PRORP: variants seen among roughly 807,000 people sequenced by gnomAD.
PRORP encodes the protein mitochondrial ribonuclease P catalytic subunit.
PRORP carries 51 observed loss-of-function variants against 59.4 expected under a neutral mutation model. That is an observed-to-expected ratio of 0.86 (90% CI 0.69 to 1.08). The LOEUF is 1.08. Ranked by LOEUF, PRORP falls within the 50% of genes least tolerant of loss-of-function variation. PRORP has a pLI of 0.00. For synonymous variants in PRORP, 231 were observed against 245.6 expected, an observed-to-expected ratio of 0.94 and a Z score of 0.55; for missense variants, 646 against 690.3, an observed-to-expected ratio of 0.94 and a Z score of 0.72.
chr14:35,127,282 A>G (rs1226139048), intron 3 of PRORP, among the ~76,000 whole-genome samples, 197 bp from the exon 4 acceptor site: 1 of 151,872 alleles, frequency 6.6e-6, no homozygotes, highest in Non-Finnish European at 1.5e-5. Context: ...CGGCCAATCT[A>G]CTTTTTTGGG....
intron 5 of PRORP, among the ~76,000 whole-genome samples, chr14:35,250,902 G>A (rs556762353): frequency 6.6e-6 from 1 of 151,862 alleles, no homozygotes; most frequent in African/African-American, 2.4e-5. Flanking sequence ...AGGTTATTGG[G>A]GAAAAGGTGG....
chr14:35,242,672 C>T lies in PRORP; in HGVS notation c.1276-24055C>T, dbSNP rs1490797651. ...CATTTTCATCTATCTAGCTAGCTAG[C>T]TATATCTCACGTATTTCCAAGTGCA... On this transcript the variant is annotated intron_variant, in intron 5 of 7. Coordinates refer to ENST00000534898, the MANE Select transcript of PRORP (RefSeq NM_014672.4). Among the ~76,000 whole-genome samples the T allele has an allele frequency of 1.6e-4, 25 of 152,274 alleles. No individual in the cohort carries two copies. The East Asian group carries it at 4.2e-3, about 26-fold the overall frequency.
At chr14:35,265,347 A>AT (rs991024866) in intron 5 of PRORP, among the ~76,000 whole-genome samples, 1 of 152,204 alleles carries the variant, frequency 6.6e-6, no homozygotes, top group African/African-American at 2.4e-5. Context: ...ACAAGTTATA[A>AT]TTTTTTCAGC....
chr14:35,251,775 C>T (rs1368407585), intron 5 of PRORP, among the ~76,000 whole-genome samples: 1 of 152,022 alleles, frequency 6.6e-6, no homozygotes, highest in Non-Finnish European at 1.5e-5. Context: ...AGGCTGGTCT[C>T]GAACTCCTGA....
intron 4 of PRORP, among the ~76,000 whole-genome samples, chr14:35,179,476 A>G (rs1319186798): frequency 6.6e-6 from 1 of 151,770 alleles, no homozygotes; most frequent in Non-Finnish European, 1.5e-5. Flanking sequence ...ATCTTGCTTC[A>G]TTTCATTCAT....
chr14:35,150,400 C>G (rs77657244), intron 4 of PRORP, among the ~76,000 whole-genome samples: 1 of 152,294 alleles, frequency 6.6e-6, no homozygotes, highest in East Asian at 1.9e-4. Context: ...TACTGTCTTA[C>G]AGCAGCACGG....
chr14:35,220,032 A>C (rs1371088967), intron 5 of PRORP, among the ~76,000 whole-genome samples: 1 of 152,234 alleles, frequency 6.6e-6, no homozygotes, highest in African/African-American at 2.4e-5. Context: ...TTTAATACCC[A>C]CATGGGTAGT....
At chr14:35,126,476 C>T (rs915780467) in intron 2 of PRORP, among the ~76,000 whole-genome samples, 3 of 152,132 alleles carry the variant, frequency 2.0e-5, no homozygotes, top group Admixed American at 6.6e-5. Flanking sequence ...CTACTAAGGT[C>T]AGCCGCTTTT....
chr14:35,262,386 ACTT>A, intron 5 of PRORP: 10 of 330,928 alleles, frequency 3.0e-5, no homozygotes, highest in Non-Finnish European at 4.7e-5. Context: ...TACTAGCCCA[ACTT>A]TTAAAATAGC....
intron 4 of PRORP, among the ~76,000 whole-genome samples, chr14:35,128,979 C>T (rs2047165056): frequency 6.6e-6 from 1 of 151,408 alleles, no homozygotes; most frequent in African/African-American, 2.4e-5. Context: ...GGTGGATCAC[C>T]TGAGGTCAGG....
intron 5 of PRORP, among the ~76,000 whole-genome samples, chr14:35,186,149 ATTT>A (rs34848889): frequency 1.5e-5 from 2 of 131,432 alleles, no homozygotes; most frequent in Admixed American, 8.0e-5. Flanking sequence ...AGTCCAGCTA[ATTT>A]TTTTTTTTTT....
At chr14:35,156,160 G>A (rs992250157) in intron 4 of PRORP, among the ~76,000 whole-genome samples, 2 of 152,218 alleles carry the variant, frequency 1.3e-5, no homozygotes, top group African/African-American at 4.8e-5. Flanking sequence ...GGTGTGGTTA[G>A]GCATTTCACA....
At chr14:35,245,017 G>A (rs1221887393) in intron 5 of PRORP, among the ~76,000 whole-genome samples, 1 of 152,200 alleles carries the variant, frequency 6.6e-6, no homozygotes, top group Admixed American at 6.5e-5. Context: ...TATTCTTTGG[G>A]AGCCCCTTCT....
At chr14:35,162,614 A>T (rs552570306) in intron 4 of PRORP, among the ~76,000 whole-genome samples, 7 of 151,644 alleles carry the variant, frequency 4.6e-5, no homozygotes, top group Admixed American at 4.6e-4. Flanking sequence ...TTTGAGGCTT[A>T]TTTTTTTTCT....
intron 5 of PRORP, among the ~76,000 whole-genome samples, chr14:35,181,928 A>G (rs1187004418): frequency 6.6e-6 from 1 of 152,148 alleles, no homozygotes; most frequent in Admixed American, 6.6e-5. Flanking sequence ...AAACAAAACA[A>G]AACTGAACTA....
chr14:35,135,822 G>T (rs1414550430), intron 4 of PRORP, among the ~76,000 whole-genome samples: 2 of 152,036 alleles, frequency 1.3e-5, no homozygotes, highest in African/African-American at 4.8e-5. Flanking sequence ...GCTGGTCGTG[G>T]TGGCGTGCAC....
Position 35,123,885 on chromosome 14 carries a change from A to G in PRORP, c.640A>G (p.Ser214Gly), listed in dbSNP as rs778724732. 2.0e-5 allele frequency: 32 copies of G among 1,614,096 alleles called. No homozygotes were observed. The highest frequency in any genetic ancestry group is 3.3e-4 in the Middle Eastern group (2 of 6,084). Residue 214 changes from serine (S) to glycine (G), a missense_variant, in exon 2 of 8, where the codon AGT (serine) becomes GGT (glycine). Coordinates refer to ENST00000534898, the MANE Select transcript of PRORP (RefSeq NM_014672.4). Reference protein sequence around the residue: ...RYKTLEPRGYSLLIRGLIHSD... With the variant: ...RYKTLEPRGYGLLIRGLIHSD... Reference sequence around the variant, plus strand: ...TAAGACTTTAGAACCTAGAGGTTACAGTCTTCTCATCCGGGGATTGATCCA... The same window carrying G: ...TAAGACTTTAGAACCTAGAGGTTACGGTCTTCTCATCCGGGGATTGATCCA...
At chr14:35,193,684 C>T (rs1282764344) in intron 5 of PRORP, among the ~76,000 whole-genome samples, 1 of 150,774 alleles carries the variant, frequency 6.6e-6, no homozygotes, top group African/African-American at 2.4e-5. Context: ...TTCTCGATCC[C>T]CATGCTTGAA....
intron 5 of PRORP, among the ~76,000 whole-genome samples, chr14:35,266,013 C>CA (rs35304125): frequency 0.16 from 18,868 of 116,986 alleles, 1,540 homozygotes; most frequent in Middle Eastern, 0.3. Flanking sequence ...CCATCTCTAC[C>CA]AAAAAAAAAA....
Sources: allele counts gnomAD v4.1 joint callset (sites outside exome capture counted in the v4.1 genomes callset), GRCh38; gene constraint gnomAD v4.1.1; transcripts MANE v1.5; gene names NCBI Gene and HGNC (gene_info 2026-07-23, HGNC 2026-07-21).